Variants in RCAN2 observed in about 807,000 individuals in gnomAD.
RCAN2 encodes regulator of calcineurin 2, also known as calcipressin-2.
Under a neutral mutation model 23.6 loss-of-function variants are expected in RCAN2, and 9 were observed. The ratio of observed to expected loss-of-function variants is 0.38; its 90% CI spans 0.23 to 0.67. The LOEUF (loss-of-function observed/expected upper bound fraction) is 0.67, where lower values mean the gene tolerates loss of function less well. Ranked by LOEUF, RCAN2 falls within the 30% of genes least tolerant of loss-of-function variation. The probability of loss-of-function intolerance (pLI) is 0.51; values close to 1 mark genes in which losing one functional copy is unlikely to be tolerated. For synonymous variants in RCAN2, 109 were observed against 115.7 expected, an observed-to-expected ratio of 0.94 and a Z score of 0.37; for missense variants, 273 against 302.3, an observed-to-expected ratio of 0.90 and a Z score of 0.72.
At chr6:46,284,171 G>T (rs922285328) in intron 2 of RCAN2, among the ~76,000 whole-genome samples, 5 of 149,146 alleles carry the variant, frequency 3.4e-5, no homozygotes, top group African/African-American at 1.2e-4. Context: ...CAGAAAATTT[G>T]TACCTTCTCA....
intron 2 of RCAN2, among the ~76,000 whole-genome samples, chr6:46,300,508 C>T (rs1422998636): frequency 6.6e-6 from 1 of 151,910 alleles, no homozygotes; most frequent in Non-Finnish European, 1.5e-5. Context: ...TTAAAGAACC[C>T]ACAGATCCCT....
intron 2 of RCAN2, among the ~76,000 whole-genome samples, chr6:46,405,174 G>A (rs543394002): frequency 6.6e-6 from 1 of 152,240 alleles, no homozygotes; most frequent in Non-Finnish European, 1.5e-5. Flanking sequence ...AGATGTGTTC[G>A]GAGTTTTTTC....
intron 2 of RCAN2, among the ~76,000 whole-genome samples, chr6:46,365,241 C>T (rs1561876228): frequency 1.3e-5 from 2 of 152,050 alleles, no homozygotes; most frequent in African/African-American, 4.8e-5. Flanking sequence ...TTTGGGAGGT[C>T]AAGGCGGGTG....
At chr6:46,371,079 G>A (rs923183100) in intron 2 of RCAN2, among the ~76,000 whole-genome samples, 17 of 152,168 alleles carry the variant, frequency 1.1e-4, no homozygotes, top group African/African-American at 3.9e-4. Flanking sequence ...TACATTTTTC[G>A]AGGGAGAGGA....
At chr6:46,251,201 G>C in intron 2 of RCAN2, among the ~76,000 whole-genome samples, 1 of 152,008 alleles carries the variant, frequency 6.6e-6, no homozygotes, top group South Asian at 2.1e-4. Flanking sequence ...TTAAGCCTTG[G>C]GATCAGCCAA....
rs74680413 is a variant in RCAN2 at position 46,308,204 on chromosome 6, C to T, written c.226-59308G>A. On this transcript the variant is annotated intron_variant, in intron 2 of 4. Coordinates refer to ENST00000371374, the MANE Select transcript of RCAN2 (RefSeq NM_001251974.2). ...AACTGTGAAACAAGGATGATCCTAACAGTTCTTATTATATATGGGAATGTG... is the reference window on the plus strand; with the variant it reads ...AACTGTGAAACAAGGATGATCCTAATAGTTCTTATTATATATGGGAATGTG... Among the ~76,000 whole-genome samples, 6 of 152,216 alleles carry T rather than the reference C, an allele frequency of 3.9e-5. No individual in the cohort carries two copies. The East Asian group carries it at 1.2e-3, about 29-fold the overall frequency.
chr6:46,439,218 T>C (rs1330011863), intron 2 of RCAN2, among the ~76,000 whole-genome samples: 1 of 152,198 alleles, frequency 6.6e-6, no homozygotes, highest in Non-Finnish European at 1.5e-5. Context: ...GCATTATAAA[T>C]AAAGCACAAT....
intron 2 of RCAN2, among the ~76,000 whole-genome samples, chr6:46,393,892 A>G (rs1350159012): frequency 1.3e-5 from 2 of 152,190 alleles, no homozygotes; most frequent in African/African-American, 4.8e-5. Flanking sequence ...CAACACTCTT[A>G]GCAAGTTTTT....
chr6:46,313,423 G>A (rs1273501938), intron 2 of RCAN2, among the ~76,000 whole-genome samples: 1 of 152,198 alleles, frequency 6.6e-6, no homozygotes. Flanking sequence ...AAGTGGGACT[G>A]TCTCACTAAT....
chr6:46,327,000 C>G (rs1459760349), intron 2 of RCAN2, among the ~76,000 whole-genome samples: 1 of 152,122 alleles, frequency 6.6e-6, no homozygotes, highest in Non-Finnish European at 1.5e-5. Flanking sequence ...ATTTCGCTGT[C>G]CAGGACACTG....
intron 2 of RCAN2, among the ~76,000 whole-genome samples, chr6:46,445,406 C>G (rs539488953): frequency 6.6e-6 from 1 of 152,214 alleles, no homozygotes; most frequent in Non-Finnish European, 1.5e-5. Context: ...GCCAGACCAG[C>G]TGCTGAGAAT....
At chr6:46,425,971 T>C (rs1389113108) in intron 2 of RCAN2, among the ~76,000 whole-genome samples, 1 of 149,834 alleles carries the variant, frequency 6.7e-6, no homozygotes, top group Non-Finnish European at 1.5e-5. Flanking sequence ...CAATCTTGGC[T>C]CACTGCAACC....
At chr6:46,391,839 G>A (rs1358659130) in intron 2 of RCAN2, among the ~76,000 whole-genome samples, 1 of 152,160 alleles carries the variant, frequency 6.6e-6, no homozygotes, top group Non-Finnish European at 1.5e-5. Context: ...GAGACACTGA[G>A]GTGGAGGAGA....
chr6:46,322,533 G>A (rs1026112106), intron 2 of RCAN2, among the ~76,000 whole-genome samples: 14 of 152,210 alleles, frequency 9.2e-5, no homozygotes, highest in Admixed American at 7.9e-4. Context: ...GTCACTATGG[G>A]AAACTAGATT....
chr6:46,286,766 G>A (rs1762388268), intron 2 of RCAN2, among the ~76,000 whole-genome samples: 1 of 152,156 alleles, frequency 6.6e-6, no homozygotes, highest in African/African-American at 2.4e-5. Flanking sequence ...ACTTTGGGAG[G>A]CCGAGGCAGG....
At chr6:46,234,496 G>C (rs184581500) in intron 4 of RCAN2, among the ~76,000 whole-genome samples, 1 of 152,182 alleles carries the variant, frequency 6.6e-6, no homozygotes, top group African/African-American at 2.4e-5. Flanking sequence ...CACAGGGTGG[G>C]AGGTCCCACC....
intron 1 of RCAN2, among the ~76,000 whole-genome samples, chr6:46,486,026 CTTG>C (rs968392055): frequency 1.3e-5 from 2 of 152,198 alleles, no homozygotes; most frequent in Non-Finnish European, 2.9e-5. Flanking sequence ...TAATTGATTT[CTTG>C]TTATTAGTAG....
upstream of RCAN2, chr6:46,491,761 C>G (rs1017541990): frequency 6.6e-6 from 1 of 152,304 alleles, no homozygotes; most frequent in Admixed American, 6.5e-5. Context: ...GGAAGAGGCT[C>G]CTCGGGGTCC....
chr6:46,384,490 G>T (rs865936178), intron 2 of RCAN2, among the ~76,000 whole-genome samples: 1 of 152,214 alleles, frequency 6.6e-6, no homozygotes, highest in Non-Finnish European at 1.5e-5. Context: ...GTTTGTATTA[G>T]AGAGGACATT....
Sources: gnomAD v4.1 joint callset for allele counts (sites outside exome capture counted in the v4.1 genomes callset) on GRCh38, gnomAD v4.1.1 for gene constraint, MANE v1.5 for transcripts, NCBI Gene and HGNC (gene_info 2026-07-23, HGNC 2026-07-21) for gene names.